The following DIP2B variants were observed in gnomAD, a reference collection of about 807,000 sequenced individuals.
DIP2B encodes disco-interacting protein 2 homolog B.
DIP2B carries 76 observed loss-of-function variants against 198.0 expected under a neutral mutation model. That is an observed-to-expected ratio of 0.38 (90% CI 0.32 to 0.46). The LOEUF (loss-of-function observed/expected upper bound fraction) is 0.46. DIP2B is among the 20% of genes least tolerant of loss of function. DIP2B has a pLI of 0.99. For synonymous variants in DIP2B, 701 were observed against 739.1 expected, an observed-to-expected ratio of 0.95 and a Z score of 0.84; for missense variants, 1,559 against 1,978.4, an observed-to-expected ratio of 0.79 and a Z score of 4.02.
At chr12:50,691,687 A>G (rs1016119190) in intron 13 of DIP2B, among the ~76,000 whole-genome samples, 2 of 152,334 alleles carry the variant, frequency 1.3e-5, no homozygotes, top group Admixed American at 6.5e-5. Context: ...ACCAGACAAC[A>G]ATGTTCTATC....
intron 1 of DIP2B, among the ~76,000 whole-genome samples, chr12:50,574,297 TCTC>T (rs1030443758): frequency 1.3e-5 from 2 of 152,188 alleles, no homozygotes; most frequent in African/African-American, 4.8e-5. Flanking sequence ...GCACCTCTCT[TCTC>T]CACACGGGTT....
chr12:50,566,971 CAAAAAAAAAAAAAAA>C (rs34854416), intron 1 of DIP2B, among the ~76,000 whole-genome samples: 1 of 78,472 alleles, frequency 1.3e-5, no homozygotes, highest in Non-Finnish European at 2.3e-5. Context: ...GACTCCGTCT[CAAAAAAAAAAAAAAA>C]AAAAAAGAAA....
chr12:50,545,965 A>G (rs1215141902), intron 1 of DIP2B, among the ~76,000 whole-genome samples: 1 of 152,196 alleles, frequency 6.6e-6, no homozygotes, highest in Non-Finnish European at 1.5e-5. Context: ...ACTTGTGTAT[A>G]GCATGGTAGA....
chr12:50,603,360 TCA>T (rs1205527066), intron 1 of DIP2B, among the ~76,000 whole-genome samples: 2 of 152,056 alleles, frequency 1.3e-5, no homozygotes, highest in Non-Finnish European at 2.9e-5. Context: ...AGAAAAAATA[TCA>T]CAGTGTAAGA....
At chr12:50,613,249 A>G (rs1240598924) in intron 1 of DIP2B, among the ~76,000 whole-genome samples, 2 of 152,172 alleles carry the variant, frequency 1.3e-5, no homozygotes, top group African/African-American at 4.8e-5. Flanking sequence ...TGAGACTCAT[A>G]ATACTCTTCC....
At chr12:50,659,241 A>G (rs995226508) in intron 3 of DIP2B, among the ~76,000 whole-genome samples, 2 of 152,094 alleles carry the variant, frequency 1.3e-5, no homozygotes, top group African/African-American at 4.8e-5. Flanking sequence ...GCATTGTCAC[A>G]TTGTCGTTAA....
At chr12:50,614,069 A>G (rs1295414611) in intron 1 of DIP2B, among the ~76,000 whole-genome samples, 4 of 152,200 alleles carry the variant, frequency 2.6e-5, no homozygotes, top group Admixed American at 1.3e-4. Context: ...TCCCTTTTTA[A>G]CAAAACATTG....
In DIP2B at chr12:50,699,137, G is replaced by T; in HGVS notation, c.2260G>T (p.Val754Phe). The change falls in exon 19 of 38, where the codon GTT becomes TTT. Residue 754 changes from valine (V) to phenylalanine (F), a missense_variant. Physicochemically the swap from Val to Phe is conservative, Grantham distance 50. Coordinates refer to ENST00000301180, the MANE Select transcript of DIP2B (RefSeq NM_173602.3). ...AACAGATGAAATTGGAGAAATCTGT[G>T]TTAGCTCCAGAACTGGAGGCATGAT... The part of the protein sequence containing the change: ...CKTDEIGEIC[V>F]SSRTGGMMYF... 6.2e-7 allele frequency: 1 copy of T among 1,614,198 alleles called. No individual in the cohort carries two copies. Among genetic ancestry groups the T allele is most frequent in the African/African-American group, 1.3e-5 (1 of 75,056 alleles).
In DIP2B at chr12:50,526,010, A is replaced by G. The variant is rs1958161163; in HGVS notation, c.100+20770A>G. Among the ~76,000 whole-genome samples the G allele has an allele frequency of 2.0e-5, 3 of 152,106 alleles. No homozygotes were observed. The South Asian group carries it at 6.2e-4, about 31-fold the overall frequency. Reference sequence around the variant, plus strand: ...CTAATTAATACCAACATTTGAAATGATCTTGTTCATATATTAATATGATTG... The same window carrying G: ...CTAATTAATACCAACATTTGAAATGGTCTTGTTCATATATTAATATGATTG... On this transcript the variant is annotated intron_variant, in intron 1 of 37. Coordinates refer to ENST00000301180, the MANE Select transcript of DIP2B (RefSeq NM_173602.3).
At chr12:50,708,852 C>A (rs1483498842) in intron 22 of DIP2B, among the ~76,000 whole-genome samples, 1 of 152,244 alleles carries the variant, frequency 6.6e-6, no homozygotes, top group Non-Finnish European at 1.5e-5. Flanking sequence ...ATGTGGAACA[C>A]ATCTCTGGCA....
At chr12:50,686,908 C>T in intron 12 of DIP2B, 1 of 394,478 alleles carries the variant, frequency 2.5e-6, no homozygotes, top group Non-Finnish European at 4.5e-6. Context: ...AAAAAGGATT[C>T]TTCATGTAAG....
At chr12:50,707,579 G>A (rs1939536763) in intron 21 of DIP2B, among the ~76,000 whole-genome samples, 2 of 152,140 alleles carry the variant, frequency 1.3e-5, no homozygotes, top group African/African-American at 2.4e-5. Flanking sequence ...TGGAGGCTTC[G>A]GCTGTGGCAG....
At chr12:50,611,287 T>C (rs1403924922) in intron 1 of DIP2B, among the ~76,000 whole-genome samples, 1 of 152,212 alleles carries the variant, frequency 6.6e-6, no homozygotes, top group African/African-American at 2.4e-5. Flanking sequence ...AGTGCTTTCT[T>C]GCCTGCTAAA....
intron 1 of DIP2B, among the ~76,000 whole-genome samples, chr12:50,545,485 C>G (rs1411686123): frequency 2.7e-5 from 4 of 148,442 alleles, no homozygotes; most frequent in Non-Finnish European, 6.0e-5. Context: ...AAGTGATCAT[C>G]TCACCCCAGC....
chr12:50,674,961 G>A lies in DIP2B; in HGVS notation c.796+332G>A, dbSNP rs111726832. The stretch of plus-strand genomic sequence containing the variant: ...GGGCAGATCATGAGGTCAGGAGATC[G>A]AGACCATCCTGGCTAACACAGTGAA... On this transcript the variant is annotated intron_variant, in intron 6 of 37. Coordinates refer to ENST00000301180, the MANE Select transcript of DIP2B (RefSeq NM_173602.3). Among the ~76,000 whole-genome samples the A allele has an allele frequency of 1.5e-4, 23 of 152,258 alleles. 1 individual carries two copies. The highest frequency in any genetic ancestry group is 4.8e-4 in the African/African-American group (20 of 41,558).
At chr12:50,604,490 G>A (rs1593649466) in intron 1 of DIP2B, among the ~76,000 whole-genome samples, 2 of 151,516 alleles carry the variant, frequency 1.3e-5, no homozygotes, top group East Asian at 3.9e-4. Context: ...CAAAGTCTTT[G>A]ACATCCAGGC....
At chr12:50,505,629 G>A (rs957664943) in intron 1 of DIP2B, among the ~76,000 whole-genome samples, 1 of 152,032 alleles carries the variant, frequency 6.6e-6, no homozygotes, top group South Asian at 2.1e-4. Flanking sequence ...TCCCCTTTTC[G>A]TGGAGGGCTC....
At chr12:50,658,742 C>T (rs1938594979) in intron 3 of DIP2B, among the ~76,000 whole-genome samples, 1 of 152,138 alleles carries the variant, frequency 6.6e-6, no homozygotes, top group South Asian at 2.1e-4. Flanking sequence ...TGTTGTTGGT[C>T]TGTACACAGT....
intron 35 of DIP2B, 141 bp downstream of exon 35, chr12:50,737,251 T>A: frequency 2.7e-6 from 2 of 734,790 alleles, no homozygotes; most frequent in African/African-American, 1.8e-5. Context: ...GGCATGAGAC[T>A]GAAATTGACA....
Sources: allele counts gnomAD v4.1 joint callset (sites outside exome capture counted in the v4.1 genomes callset), GRCh38; gene constraint gnomAD v4.1.1; transcripts MANE v1.5; gene names NCBI Gene and HGNC (gene_info 2026-07-23, HGNC 2026-07-21).